Variants in DDX1 observed in about 807,000 individuals in gnomAD.
The protein encoded by DDX1 is DEAD-box helicase 1, also known as ATP-dependent RNA helicase DDX1.
In DDX1, 28 loss-of-function variants were observed where a neutral mutation model predicts 108.7. The observed-to-expected ratio is 0.26, with a 90% CI of 0.19 to 0.35. The LOEUF (loss-of-function observed/expected upper bound fraction) is 0.35, where lower values mean the gene tolerates loss of function less well. Among genes scored for constraint, DDX1 ranks in the 10% least tolerant of loss-of-function variants. The pLI is 1.00. For synonymous variants in DDX1, 295 were observed against 288.9 expected (o/e 1.02, Z -0.21); for missense variants, 710 against 884.5 (o/e 0.80, Z 2.50).
At chr2:15,606,790 T>C (rs1204184448) in intron 12 of DDX1, among the ~76,000 whole-genome samples, 1 of 152,234 alleles carries the variant, frequency 6.6e-6, no homozygotes, top group African/African-American at 2.4e-5. Context: ...TTTGTAGACA[T>C]ATCAATCAAT....
Position 15,628,527 on chromosome 2 carries a change from A to G in DDX1, c.1759+10A>G, listed in dbSNP as rs1407083405. 6.2e-7 allele frequency: 1 copy of G among 1,608,788 alleles called. No individual in the cohort carries two copies. Among genetic ancestry groups the G allele is most frequent in the East Asian group, 2.2e-5 (1 of 44,798 alleles). The stretch of plus-strand genomic sequence containing the variant: ...CACGGTGTTCCTTATGGTAAAAAGC[A>G]ACTTTTTATGCCTGTAGTGTGATTG... On this transcript the variant is annotated intron_variant, in intron 21 of 25. Transcript: ENST00000233084.
At chr2:15,601,730 C>T (rs2148738559) in intron 6 of DDX1, among the ~76,000 whole-genome samples, 1 of 152,276 alleles carries the variant, frequency 6.6e-6, no homozygotes, top group East Asian at 1.9e-4. Context: ...AGAATTCATA[C>T]TTTGAATAAT....
chr2:15,594,025 T>C (rs7591533), intron 1 of DDX1, among the ~76,000 whole-genome samples: 104,723 of 151,434 alleles, frequency 0.69, 37,298 homozygotes, highest in East Asian at 0.89. Flanking sequence ...TTGCAGTGAG[T>C]GGAGATCATG....
chr2:15,619,065 T>G (rs1665947263), intron 16 of DDX1, among the ~76,000 whole-genome samples: 2 of 152,220 alleles, frequency 1.3e-5, no homozygotes, highest in African/African-American at 4.8e-5. Context: ...CTTGGGCAGC[T>G]GCAGCCATGC....
chr2:15,603,279 A>G lies in DDX1; in HGVS notation c.475+4A>G. On this transcript the variant is annotated splice_donor_region_variant and intron_variant, in intron 8 of 25. Coordinates refer to ENST00000233084, the MANE Select transcript of DDX1 (RefSeq NM_004939.3). ...ATGCAGGCCTCTTTGGACCTAGGTAAGTGTTTCTAAAATAACTGAATTGAT... is the reference window on the plus strand; with the variant it reads ...ATGCAGGCCTCTTTGGACCTAGGTAGGTGTTTCTAAAATAACTGAATTGAT... The G allele has an allele frequency of 3.8e-6, 6 of 1,594,948 alleles. No individual in the cohort carries two copies. The highest frequency in any genetic ancestry group is 5.2e-6 in the Non-Finnish European group (6 of 1,164,966).
intron 13 of DDX1, among the ~76,000 whole-genome samples, chr2:15,612,724 A>G (rs1408395378): frequency 1.3e-5 from 2 of 152,248 alleles, no homozygotes; most frequent in African/African-American, 4.8e-5. Flanking sequence ...AACATTGAGC[A>G]CTGAGTGAGG....
At chr2:15,612,353 C>T (rs1388414139) in intron 13 of DDX1, among the ~76,000 whole-genome samples, 2 of 151,836 alleles carry the variant, frequency 1.3e-5, no homozygotes, top group South Asian at 4.2e-4. Context: ...AGGCGCCCCC[C>T]ACATCTCAGA....
Position 15,603,243 on chromosome 2 carries a change from G to T in DDX1, c.443G>T (p.Gly148Val). 6.2e-7 allele frequency: 1 copy of T among 1,613,582 alleles called. No individual in the cohort carries two copies. Among genetic ancestry groups the T allele is most frequent in the Middle Eastern group, 1.6e-4 (1 of 6,062 alleles). The change falls in exon 8 of 26, where the codon GGG becomes GTG. Residue 148 changes from glycine to valine, a missense_variant. Transcript: ENST00000233084. Reference protein sequence around the residue: ...SCHDQGLCRVGWSTMQASLDL... With the variant: ...SCHDQGLCRVVWSTMQASLDL... ...CATGACCAAGGGTTATGCAGGGTCG[G>T]GTGGTCTACCATGCAGGCCTCTTTG...
At chr2:15,610,140 C>T (rs929605862) in intron 13 of DDX1, among the ~76,000 whole-genome samples, 8 of 152,164 alleles carry the variant, frequency 5.3e-5, no homozygotes, top group Admixed American at 6.5e-5. Context: ...CTATGTTGTG[C>T]AGGCTGGTCT....
intron 13 of DDX1, among the ~76,000 whole-genome samples, chr2:15,611,262 GAA>G (rs1266438045): frequency 1.3e-5 from 2 of 151,664 alleles, no homozygotes; most frequent in Admixed American, 1.3e-4. Context: ...AGAACAAAAT[GAA>G]AAGTCTCCCA....
At chr2:15,617,194 T>C (rs756689029) in intron 14 of DDX1, 50 bp from the exon 15 acceptor site, 46 of 957,218 alleles carry the variant, frequency 4.8e-5, no homozygotes. Flanking sequence ...TTTAACGTAA[T>C]TATACTGTTT....
Position 15,602,448 on chromosome 2 carries a change from T to C in DDX1, c.308-100T>C, listed in dbSNP as rs1665601815. On this transcript the variant is annotated intron_variant, in intron 6 of 25. Coordinates refer to ENST00000233084, the MANE Select transcript of DDX1 (RefSeq NM_004939.3). ...GCAACAAATGAAGGAATTATCTTGT[T>C]AGTGAGACTGAATGATTTTTTTTGG... The C allele has an allele frequency of 5.2e-6, 4 of 768,128 alleles. No homozygotes were observed. The South Asian group carries it at 6.1e-5, about 12-fold the overall frequency. 47.6% of individuals were successfully genotyped at this position (768,128 alleles called of 1,614,324 possible).
At chr2:15,623,834 A>G (rs368267182) in intron 19 of DDX1, among the ~76,000 whole-genome samples, 1 of 152,146 alleles carries the variant, frequency 6.6e-6, no homozygotes, top group Non-Finnish European at 1.5e-5. Flanking sequence ...TATTATATGG[A>G]AGAAGGATAA....
rs753510952 is a variant in DDX1 at position 15,606,216 on chromosome 2, G to T, written c.769G>T (p.Ala257Ser). The change falls in exon 12 of 26, where the codon GCT becomes TCT. Residue 257 changes from alanine to serine, a missense_variant. Ala to Ser is a moderately conservative substitution (Grantham distance 99, BLOSUM62 1). Transcript: ENST00000233084. ...FKFPPKDGFVALSKAPDGYIV... is the reference protein window; with the variant it reads ...FKFPPKDGFVSLSKAPDGYIV... ...GTTTCCACCAAAAGATGGCTTTGTTGCTCTTTCCAAGGCACCGGATGGTTA... is the reference window on the plus strand; with the variant it reads ...GTTTCCACCAAAAGATGGCTTTGTTTCTCTTTCCAAGGCACCGGATGGTTA... The T allele has an allele frequency of 1.5e-5, 25 of 1,613,982 alleles. No homozygotes were observed. The highest frequency in any genetic ancestry group is 2.0e-5 in the Non-Finnish European group (24 of 1,179,996).
At chr2:15,608,780 TTCTC>T (rs1328172501) in intron 13 of DDX1, among the ~76,000 whole-genome samples, 1 of 149,780 alleles carries the variant, frequency 6.7e-6, no homozygotes, top group Non-Finnish European at 1.5e-5. Flanking sequence ...ACTCAAGGAA[TTCTC>T]TCTCTTGCCT....
intron 7 of DDX1, 129 bp downstream of exon 7, chr2:15,602,760 C>T (rs1665607352): frequency 4.5e-6 from 3 of 660,748 alleles, no homozygotes; most frequent in Admixed American, 2.8e-5. Context: ...AGGGCCCGGG[C>T]TGGAGGGCAG....
rs1240287456 is a variant in DDX1 at position 15,603,895 on chromosome 2, G to A, written c.552+5G>A. 1 of 1,599,750 alleles carries A rather than the reference G, an allele frequency of 6.3e-7. No individual in the cohort carries two copies. The highest frequency in any genetic ancestry group is 1.3e-5 in the African/African-American group (1 of 74,662). On this transcript the variant is annotated splice_donor_5th_base_variant and intron_variant, in intron 9 of 25. Transcript: ENST00000233084. Reference sequence around the variant, plus strand: ...CAATTTGATAATTATGGAGAGGTAAGCGATTATGTTATGACTTCAACATAG... The same window carrying A: ...CAATTTGATAATTATGGAGAGGTAAACGATTATGTTATGACTTCAACATAG...
At chr2:15,614,952 G>T (rs560197602) in intron 14 of DDX1, among the ~76,000 whole-genome samples, 282 of 152,278 alleles carry the variant, frequency 1.9e-3, no homozygotes, top group African/African-American at 6.3e-3. Flanking sequence ...AATTAAATCT[G>T]CTTTCATCAG....
intron 18 of DDX1, among the ~76,000 whole-genome samples, chr2:15,622,417 T>TA (rs1430467667): frequency 6.6e-5 from 10 of 152,132 alleles, no homozygotes; most frequent in African/African-American, 2.4e-4. Flanking sequence ...GTTTTGAAAA[T>TA]ATAGGAAGGT....
Sources: gnomAD v4.1 joint callset for allele counts (sites outside exome capture counted in the v4.1 genomes callset) on GRCh38, gnomAD v4.1.1 for gene constraint, MANE v1.5 for transcripts, NCBI Gene and HGNC (gene_info 2026-07-23, HGNC 2026-07-21) for gene names.